SYNE2: variants seen among roughly 807,000 people sequenced by gnomAD.
SYNE2 encodes spectrin repeat containing nuclear envelope protein 2, also known as nesprin-2.
SYNE2 carries 431 observed loss-of-function variants against 856.3 expected under a neutral mutation model. That is an observed-to-expected ratio of 0.50 (90% CI 0.47 to 0.55). The LOEUF (loss-of-function observed/expected upper bound fraction) is 0.55. Ranked by LOEUF, SYNE2 falls within the 20% of genes least tolerant of loss-of-function variation. The pLI is 0.00. For synonymous variants in SYNE2, 2,923 were observed against 2,872.3 expected (o/e 1.02, Z -0.56); for missense variants, 8,129 against 8,023.2 (o/e 1.01, Z -0.50).
chr14:64,074,401 AGT>A (rs2153604041), intron 53 of SYNE2, among the ~76,000 whole-genome samples: 1 of 152,296 alleles, frequency 6.6e-6, no homozygotes, highest in African/African-American at 2.4e-5. Flanking sequence ...CTATGTTTCC[AGT>A]GTGTTTGGTG....
At chr14:64,025,478 T>C in intron 41 of SYNE2, 57 bp downstream of exon 41, 2 of 1,533,794 alleles carry the variant, frequency 1.3e-6, no homozygotes, top group Non-Finnish European at 1.8e-6. Context: ...TTTGAAAAGA[T>C]TTAGAGGAAA....
chr14:64,010,442 G>C (rs889925890), intron 32 of SYNE2, among the ~76,000 whole-genome samples: 4 of 152,110 alleles, frequency 2.6e-5, no homozygotes, highest in African/African-American at 7.2e-5. Context: ...TTCATTGCAG[G>C]CTTGACAGAA....
chr14:64,158,800 A>C lies in SYNE2; in HGVS notation c.15963+5A>C, dbSNP rs1025248261. ...TGCCAGGTGGAGAACCTTCAGGTAAATTAACCAGAGCTTGGCATGGTGCAT... is the reference window on the plus strand; with the variant it reads ...TGCCAGGTGGAGAACCTTCAGGTAACTTAACCAGAGCTTGGCATGGTGCAT... On this transcript the variant is annotated splice_donor_5th_base_variant and intron_variant, in intron 86 of 115. Transcript: ENST00000555002. 6.2e-7 allele frequency: 1 copy of C among 1,613,636 alleles called. No individual in the cohort carries two copies. Among genetic ancestry groups the C allele is most frequent in the Non-Finnish European group, 8.5e-7 (1 of 1,179,778 alleles).
At chr14:63,917,859 T>A (rs898242912) in intron 2 of SYNE2, among the ~76,000 whole-genome samples, 2 of 123,886 alleles carry the variant, frequency 1.6e-5, no homozygotes, top group African/African-American at 4.4e-5. Flanking sequence ...GTTTTTCAAA[T>A]TTTTTTTTTT....
intron 1 of SYNE2, among the ~76,000 whole-genome samples, chr14:63,805,204 A>G (rs1566577328): frequency 6.6e-6 from 1 of 152,190 alleles, no homozygotes; most frequent in East Asian, 1.9e-4. Flanking sequence ...TGCTTTGGCT[A>G]TTTGTGTTCT....
chr14:63,973,618 C>G (rs867835132), intron 11 of SYNE2, among the ~76,000 whole-genome samples: 1 of 118,828 alleles, frequency 8.4e-6, no homozygotes, highest in African/African-American at 3.5e-5. Context: ...GGTAACACAC[C>G]GAGAGTCCAT....
At chr14:63,902,336 G>T (rs571349648) in intron 1 of SYNE2, among the ~76,000 whole-genome samples, 1 of 146,956 alleles carries the variant, frequency 6.8e-6, no homozygotes, top group Non-Finnish European at 1.5e-5. Flanking sequence ...ACTGGAACCC[G>T]GGAAGCAGAG....
chr14:64,204,568 A>G (rs550543064), intron 100 of SYNE2, among the ~76,000 whole-genome samples: 2 of 152,328 alleles, frequency 1.3e-5, no homozygotes, highest in South Asian at 4.1e-4. Flanking sequence ...AGCCACTGCT[A>G]TTCTCTTAGC....
chr14:63,771,733 A>G (rs2139707322), intron 1 of SYNE2, among the ~76,000 whole-genome samples: 1 of 152,136 alleles, frequency 6.6e-6, no homozygotes, highest in Non-Finnish European at 1.5e-5. Context: ...CCCTGTCTCT[A>G]CTAAAAAAAT....
At chr14:64,025,526 C>A in intron 41 of SYNE2, 105 bp downstream of exon 41, 1 of 1,141,718 alleles carries the variant, frequency 8.8e-7, no homozygotes, top group Non-Finnish European at 1.2e-6. Flanking sequence ...AATCAGATCA[C>A]TGTGGAATGG....
At chr14:63,896,320 A>G (rs114026543) in intron 1 of SYNE2, among the ~76,000 whole-genome samples, 1,548 of 152,276 alleles carry the variant, frequency 0.01, 28 homozygotes, top group African/African-American at 0.035. Flanking sequence ...TTTTCCTATC[A>G]TATCCTGCAT....
intron 1 of SYNE2, among the ~76,000 whole-genome samples, chr14:63,809,596 C>G (rs1335570845): frequency 6.6e-6 from 1 of 152,122 alleles, no homozygotes; most frequent in African/African-American, 2.4e-5. Flanking sequence ...GCACTCCAGG[C>G]TCCAGCGATG....
chr14:64,004,153 T>C (rs1335104506), intron 30 of SYNE2, among the ~76,000 whole-genome samples: 2 of 151,258 alleles, frequency 1.3e-5, no homozygotes, highest in African/African-American at 4.9e-5. Flanking sequence ...GCTTCCCGAG[T>C]AGCTGGGACT....
intron 1 of SYNE2, among the ~76,000 whole-genome samples, chr14:63,767,781 A>G: frequency 6.6e-6 from 1 of 152,190 alleles, no homozygotes; most frequent in East Asian, 1.9e-4. Flanking sequence ...TTCTGTAGTG[A>G]TTAGTGTCCA....
chr14:63,952,844 A>G (rs2096184658), intron 7 of SYNE2, among the ~76,000 whole-genome samples: 1 of 152,148 alleles, frequency 6.6e-6, no homozygotes, highest in South Asian at 2.1e-4. Flanking sequence ...AGTAGCTTTT[A>G]TCATTTGATT....
At chr14:63,992,380 T>G (rs2096673780) in intron 21 of SYNE2, among the ~76,000 whole-genome samples, 1 of 152,052 alleles carries the variant, frequency 6.6e-6, no homozygotes, top group Non-Finnish European at 1.5e-5. Flanking sequence ...GGGCTCAAGC[T>G]ATCCTCCTGC....
chr14:64,003,411 TC>T (rs1321009960), intron 30 of SYNE2, 81 bp downstream of exon 30: 3 of 1,540,174 alleles, frequency 1.9e-6, no homozygotes, highest in Non-Finnish European at 2.7e-6. Context: ...AAGAAATTCT[TC>T]CTATGTCTTT....
Position 64,190,631 on chromosome 14 carries a change from GGCTTCTGGAT to G in SYNE2, c.18038+398_18038+407del, listed in dbSNP as rs1228395500. On this transcript the variant is annotated intron_variant, in intron 99 of 115. Transcript: ENST00000555002. ...GCAGATCAGGTAAGGGCACAGGCCT[GGCTTCTGGAT>G]GCTGGGGGCCCATGACTGCCCCACT... 4.3e-6 allele frequency: 3 copies of G among 701,962 alleles called. No homozygotes were observed. In the Admixed American group the frequency reaches 6.0e-5, roughly 14 times the overall value. The allele number at this position is 701,962 out of a possible 1,614,324, so 43.5% of individuals were successfully genotyped here.
chr14:64,009,899 T>C, intron 31 of SYNE2, 67 bp from the exon 32 acceptor site: 1 of 1,420,800 alleles, frequency 7.0e-7, no homozygotes, highest in Non-Finnish European at 9.9e-7. Flanking sequence ...TGTGGGATAC[T>C]TGCAAAGAGA....
Sources: allele counts gnomAD v4.1 joint callset (sites outside exome capture counted in the v4.1 genomes callset), GRCh38; gene constraint gnomAD v4.1.1; transcripts MANE v1.5; gene names NCBI Gene and HGNC (gene_info 2026-07-23, HGNC 2026-07-21).